Variants in UBAP1L observed in about 807,000 individuals in gnomAD.
The protein encoded by UBAP1L is ubiquitin associated protein 1 like.
In UBAP1L, 32 loss-of-function variants were observed where a neutral mutation model predicts 32.1. The observed-to-expected ratio is 1.00, with a 90% CI of 0.75 to 1.34. The LOEUF (loss-of-function observed/expected upper bound fraction) is 1.34. Ranked by LOEUF, UBAP1L falls within the 40% of genes most tolerant of loss-of-function variation. The pLI, the probability that UBAP1L is intolerant of heterozygous loss-of-function variation, is 0.00. For missense variants in UBAP1L, 516 were observed against 540.5 expected (o/e 0.95, Z 0.45); for synonymous variants, 243 against 250.2 (o/e 0.97, Z 0.27).
rs1352405046 is a variant in UBAP1L at position 65,102,729 on chromosome 15, C to T, written c.121-45G>A. 5 of 1,518,158 alleles carry T rather than the reference C, an allele frequency of 3.3e-6. No homozygotes were observed. In the East Asian group the frequency reaches 7.4e-5, roughly 22 times the overall value. 94.0% of individuals were successfully genotyped at this position (1,518,158 alleles called of 1,614,324 possible). On this transcript the variant is annotated intron_variant, in intron 2 of 5. Transcript: ENST00000559089. The surrounding 1 kb of genome is among the most constrained non-coding windows in gnomAD (Gnocchi z 5.0). ...TAAAGCCCAGGGCAAACCAGGACCC[C>T]GGGGGCACAACACTAACCCCTGGCC...
chr15:65,102,259 G>A lies in UBAP1L; in HGVS notation c.546C>T (p.Arg182=). ...CAGGGCTCGGGCACAGGCTCAGCGC[G>A]CGGTGGCCGCGGAGGCCATGCAGGA... ...RALLHGLRGH[R]ALSLCPSPAQ... Residue 182 remains arginine (R), a synonymous_variant, in exon 3 of 6, where the codon CGC becomes CGT. Transcript: ENST00000559089. This position sits in a 1 kb window ranked among gnomAD's most constrained non-coding sequence, Gnocchi z 5.0. 27 of 1,309,794 alleles carry A rather than the reference G, an allele frequency of 2.1e-5. No individual in the cohort carries two copies. The highest frequency in any genetic ancestry group is 3.5e-5 in the East Asian group (1 of 28,678). The allele number at this position is 1,309,794 out of a possible 1,614,324, so 81.1% of individuals were successfully genotyped here. A position where few individuals can be genotyped will look rare whatever the true frequency, so the allele number is the denominator to read the frequency against.
rs149377372 is a variant in UBAP1L at position 65,109,779 on chromosome 15, T to C, written c.-173-3391A>G. Among the ~76,000 whole-genome samples the C allele has an allele frequency of 3.9e-3, 597 of 152,272 alleles. 2 individuals are homozygous for C. Among genetic ancestry groups the C allele is most frequent in the Admixed American group, 0.01 (153 of 15,288 alleles). ...ACAATGAGATACCACTACACAAACA[T>C]ACAACCATTAATTTAAGGTTAAAAT... On this transcript the variant is annotated intron_variant, in intron 1 of 5. Transcript: ENST00000559089.
intron 1 of UBAP1L, among the ~76,000 whole-genome samples, chr15:65,114,320 G>A (rs765371614): frequency 3.3e-5 from 5 of 151,426 alleles, no homozygotes; most frequent in African/African-American, 7.3e-5. Context: ...GTCACAGAAC[G>A]CTTTTGAAGA....
At chr15:65,098,542 A>G (rs1202898269) in intron 4 of UBAP1L, 1 of 152,114 alleles carries the variant, frequency 6.6e-6, no homozygotes, top group Non-Finnish European at 1.5e-5. Context: ...ACATGCTTTG[A>G]CCAATAGAAT....
chr15:65,113,759 G>GA (rs1189448939), intron 1 of UBAP1L, among the ~76,000 whole-genome samples: 1 of 149,684 alleles, frequency 6.7e-6, no homozygotes, highest in Non-Finnish European at 1.5e-5. Flanking sequence ...AGAATAAAAA[G>GA]AAAAGAAAAG....
chr15:65,110,465 G>A (rs1304118594), intron 1 of UBAP1L, among the ~76,000 whole-genome samples: 1 of 151,198 alleles, frequency 6.6e-6, no homozygotes, highest in African/African-American at 2.4e-5. Context: ...ATCACCTGAG[G>A]TCAGGAGTTC....
At chr15:65,114,173 C>T (rs921309046) in intron 1 of UBAP1L, among the ~76,000 whole-genome samples, 4 of 151,148 alleles carry the variant, frequency 2.6e-5, no homozygotes, top group African/African-American at 4.9e-5. Context: ...CATGAGCCAC[C>T]GCGCCCAGCC....
At chr15:65,101,489 CG>C (rs2087238620) in intron 3 of UBAP1L, 1 of 152,348 alleles carries the variant, frequency 6.6e-6, no homozygotes, top group Non-Finnish European at 1.5e-5. Flanking sequence ...GCAGCCCTGA[CG>C]CTCCCTCAAC....
intron 2 of UBAP1L, 23 bp downstream of exon 2, chr15:65,106,073 C>T (rs756769056): frequency 4.0e-5 from 62 of 1,550,560 alleles, no homozygotes; most frequent in Non-Finnish European, 9.6e-6. Context: ...ACCCAGAAGA[C>T]AGAAACACAG....
intron 4 of UBAP1L, chr15:65,098,498 G>GT: frequency 6.6e-6 from 1 of 152,204 alleles, no homozygotes; most frequent in Non-Finnish European, 1.5e-5. Flanking sequence ...GGTGGAATCT[G>GT]TTTTTCCCCT....
rs896746560 is a variant in UBAP1L at position 65,102,683 on chromosome 15, T to G, written c.122A>C (p.His41Pro). The change falls in exon 3 of 6, where the codon CAC becomes CCC. Residue 41 changes from histidine to proline, a missense_variant and splice_region_variant. His to Pro is a moderately conservative substitution (Grantham distance 77, BLOSUM62 -2). Coordinates refer to ENST00000559089, the MANE Select transcript of UBAP1L (RefSeq NM_001163692.2). The surrounding 1 kb of genome is among the most constrained non-coding windows in gnomAD (Gnocchi z 5.0). ...ACGEVLLGSMHDFSLERTALF... is the reference protein window; with the variant it reads ...ACGEVLLGSMPDFSLERTALF... Reference sequence around the variant, plus strand: ...TGCCGTCCTCTCCAGGCTGAAGTCGTGCTGCGGAAAGAAGGCGACGTAAAG... The same window carrying G: ...TGCCGTCCTCTCCAGGCTGAAGTCGGGCTGCGGAAAGAAGGCGACGTAAAG... 3.3e-5 allele frequency: 51 copies of G among 1,545,958 alleles called. No homozygotes were observed. The highest frequency in any genetic ancestry group is 1.7e-4 in the Middle Eastern group (1 of 6,004).
rs1441521839 is a variant in UBAP1L at position 65,106,231 on chromosome 15, G to A, written c.-16C>T. On this transcript the variant is annotated 5_prime_UTR_variant, in exon 2 of 6. Coordinates refer to ENST00000559089, the MANE Select transcript of UBAP1L (RefSeq NM_001163692.2). ...GGGCATTCATTCTGTCAGGAGTGTG[G>A]AGATGGCTGGCAGGGCTGGGGCAGG... 3 of 1,526,534 alleles carry A rather than the reference G, an allele frequency of 2.0e-6. No individual in the cohort carries two copies. The highest frequency in any genetic ancestry group is 1.3e-5 in the South Asian group (1 of 79,838). 94.6% of individuals were successfully genotyped at this position (1,526,534 alleles called of 1,614,324 possible).
chr15:65,111,642 G>A (rs1352548352), intron 1 of UBAP1L, among the ~76,000 whole-genome samples: 7 of 151,756 alleles, frequency 4.6e-5, no homozygotes, highest in South Asian at 2.1e-4. Flanking sequence ...CCACCACCAC[G>A]CCTGGCTAAT....
In UBAP1L at chr15:65,094,395, G is replaced by T; in HGVS notation, c.1011+80C>A. On this transcript the variant is annotated intron_variant, in intron 5 of 5. Transcript: ENST00000559089. This position sits in a 1 kb window ranked among gnomAD's most constrained non-coding sequence, Gnocchi z 4.2. ...ACCCACAGACTGGCTCTGAGGACTG[G>T]TGTGGCCCTGCACACCGGGCTCCTG... 1 of 987,758 alleles carries T rather than the reference G, an allele frequency of 1.0e-6. No homozygotes were observed. Among genetic ancestry groups the T allele is most frequent in the Non-Finnish European group, 1.5e-6 (1 of 666,950 alleles). 61.2% of individuals were successfully genotyped at this position (987,758 alleles called of 1,614,324 possible). A position where few individuals can be genotyped will look rare whatever the true frequency, so the allele number is the denominator to read the frequency against.
intron 1 of UBAP1L, among the ~76,000 whole-genome samples, chr15:65,111,671 G>T (rs1208983237): frequency 6.6e-6 from 1 of 150,714 alleles, no homozygotes; most frequent in Non-Finnish European, 1.5e-5. Context: ...CTGTAGTAGA[G>T]GTGGGGTTTC....
rs1178607510 is a variant in UBAP1L at position 65,094,180 on chromosome 15, T to C, written c.1011+295A>G. Reference sequence around the variant, plus strand: ...TGAGTGTCCGACAAAGAGTGGCCATTCAGTCACAGAGGCTGTGTTGATTAA... The same window carrying C: ...TGAGTGTCCGACAAAGAGTGGCCATCCAGTCACAGAGGCTGTGTTGATTAA... On this transcript the variant is annotated intron_variant, in intron 5 of 5. Coordinates refer to ENST00000559089, the MANE Select transcript of UBAP1L (RefSeq NM_001163692.2). This position sits in a 1 kb window ranked among gnomAD's most constrained non-coding sequence, Gnocchi z 4.2. Among the ~76,000 whole-genome samples, 1 of 152,170 alleles carries C rather than the reference T, an allele frequency of 6.6e-6. No homozygotes were observed. The highest frequency in any genetic ancestry group is 2.1e-4 in the South Asian group (1 of 4,830).
chr15:65,104,675 A>G (rs886466650), intron 2 of UBAP1L, among the ~76,000 whole-genome samples: 2 of 152,212 alleles, frequency 1.3e-5, no homozygotes, highest in African/African-American at 4.8e-5. Flanking sequence ...CAGGAATTCA[A>G]GTCCACCTGG....
chr15:65,102,561 T>C lies in UBAP1L; in HGVS notation c.244A>G (p.Ser82Gly). 6.5e-7 allele frequency: 1 copy of C among 1,540,318 alleles called. No homozygotes were observed. The change falls in exon 3 of 6, where the codon AGC (serine) becomes GGC (glycine). Residue 82 changes from serine to glycine, a missense_variant. Physicochemically the swap from Ser to Gly is moderately conservative, Grantham distance 56. Coordinates refer to ENST00000559089, the MANE Select transcript of UBAP1L (RefSeq NM_001163692.2). This position sits in a 1 kb window ranked among gnomAD's most constrained non-coding sequence, Gnocchi z 5.0. Reference protein sequence around the residue: ...SAPPAWLLLVSPEHGLAPAPT... With the variant: ...SAPPAWLLLVGPEHGLAPAPT... ...GCAGGCGCCAGCCCATGTTCGGGGC[T>C]GACTAGCAAGAGCCAGGCTGGAGGG...
Sources: gnomAD v4.1 joint callset for allele counts (sites outside exome capture counted in the v4.1 genomes callset) on GRCh38, gnomAD v4.1.1 for gene constraint, Gnocchi (gnomAD v3.1) non-coding constraint, MANE v1.5 for transcripts, NCBI Gene and HGNC (gene_info 2026-07-23, HGNC 2026-07-21) for gene names.